The following BCL2L1 variants were observed in gnomAD, a reference collection of about 807,000 sequenced individuals.
The protein encoded by BCL2L1 is BCL2 like 1.
A neutral mutation model predicts 18.7 loss-of-function variants in BCL2L1; 1 was observed. The observed-to-expected ratio is 0.05, with a 90% CI of 0.02 to 0.25. The LOEUF (loss-of-function observed/expected upper bound fraction) is 0.25. Among genes scored for constraint, BCL2L1 ranks in the 10% least tolerant of loss-of-function variants. The probability of loss-of-function intolerance (pLI) is 1.00; values close to 1 mark genes in which losing one functional copy is unlikely to be tolerated. For synonymous variants in BCL2L1, 103 were observed against 122.7 expected, an observed-to-expected ratio of 0.84 and a Z score of 1.06; for missense variants, 207 against 304.9, an observed-to-expected ratio of 0.68 and a Z score of 2.39.
intron 2 of BCL2L1, among the ~76,000 whole-genome samples, chr20:31,686,800 C>T (rs1241700595): frequency 2.0e-5 from 3 of 152,036 alleles, no homozygotes; most frequent in Non-Finnish European, 1.5e-5. Context: ...CCAGAAAGGG[C>T]CTCAAGCAAT....
At chr20:31,703,857 G>T (rs1436286740) in intron 2 of BCL2L1, among the ~76,000 whole-genome samples, 1 of 149,982 alleles carries the variant, frequency 6.7e-6, no homozygotes, top group Non-Finnish European at 1.5e-5. Flanking sequence ...GAGTGCAGTG[G>T]TGCGATCTTG....
intron 2 of BCL2L1, among the ~76,000 whole-genome samples, chr20:31,673,362 C>G (rs2060703930): frequency 6.6e-6 from 1 of 151,884 alleles, no homozygotes; most frequent in Admixed American, 6.6e-5. Flanking sequence ...ACATGAGCCA[C>G]CGCACCCAGC....
intron 2 of BCL2L1, among the ~76,000 whole-genome samples, chr20:31,676,290 A>G (rs568716390): frequency 6.6e-6 from 1 of 152,276 alleles, no homozygotes; most frequent in South Asian, 2.1e-4. Flanking sequence ...AATCCTCACA[A>G]TAATCCCACC....
chr20:31,722,422 C>G (rs1005695027), intron 1 of BCL2L1, 74 bp from the exon 2 acceptor site: 2 of 426,440 alleles, frequency 4.7e-6, no homozygotes, highest in East Asian at 3.5e-5. Context: ...GGTACCAGAA[C>G]TGGTTTCTTT....
intron 2 of BCL2L1, among the ~76,000 whole-genome samples, chr20:31,680,417 G>GC (rs1034377856): frequency 8.5e-5 from 13 of 152,190 alleles, no homozygotes; most frequent in African/African-American, 3.1e-4. Context: ...GGTGAGAAAG[G>GC]GAAGAGTGTG....
At chr20:31,723,398 C>G (rs2061667953), upstream of BCL2L1, 7 of 985,532 alleles carry the variant, frequency 7.1e-6, no homozygotes, top group Non-Finnish European at 7.2e-6. Context: ...CAGCTGAGAC[C>G]ACGTTTTCCT....
At chr20:31,676,979 C>T (rs768642735) in intron 2 of BCL2L1, among the ~76,000 whole-genome samples, 3 of 152,186 alleles carry the variant, frequency 2.0e-5, no homozygotes, top group Non-Finnish European at 4.4e-5. Flanking sequence ...CGCTGCTGCT[C>T]TCCTGCTCTC....
At position 31,664,960 on chromosome 20, in the gene BCL2L1, C is replaced by G. The variant is rs2060565530; in HGVS notation, c.*989G>C. ...GGCCCTTCTAGTCAGCCCTACCCCA[C>G]CCCATGCAGCAGGCTCTCCTTCCTG... On this transcript the variant is annotated 3_prime_UTR_variant, in exon 3 of 3. Transcript: ENST00000307677. The G allele has an allele frequency of 4.9e-6, 1 of 203,638 alleles. No individual in the cohort carries two copies. Among genetic ancestry groups the G allele is most frequent in the Admixed American group, 6.0e-5 (1 of 16,748 alleles). The allele number at this position is 203,638 out of a possible 1,614,324, so 12.6% of individuals were successfully genotyped here.
At chr20:31,719,314 A>G (rs2061586845) in intron 2 of BCL2L1, among the ~76,000 whole-genome samples, 1 of 152,160 alleles carries the variant, frequency 6.6e-6, no homozygotes, top group African/African-American at 2.4e-5. Flanking sequence ...TTTAGAACAT[A>G]GCCCTGAGTA....
In BCL2L1 at chr20:31,665,289, C is replaced by T. The variant is rs116990630; in HGVS notation, c.*660G>A. Reference sequence around the variant, plus strand: ...GGGGTGCTTCCTGTAGCTATAGCCCCCTCCCTCCTGGGTGGGGCTGGCCTC... The same window carrying T: ...GGGGTGCTTCCTGTAGCTATAGCCCTCTCCCTCCTGGGTGGGGCTGGCCTC... On this transcript the variant is annotated 3_prime_UTR_variant, in exon 3 of 3. Transcript: ENST00000307677. The T allele has an allele frequency of 3.2e-3, 502 of 155,364 alleles. No homozygotes were observed. Among genetic ancestry groups the T allele is most frequent in the Middle Eastern group, 0.023 (7 of 304 alleles). 9.6% of individuals were successfully genotyped at this position (155,364 alleles called of 1,614,324 possible). A position where few individuals can be genotyped will look rare whatever the true frequency, so the allele number is the denominator to read the frequency against.
rs1198729635 is a variant in BCL2L1, at chr20:31,683,492, G to A, written c.565-17406C>T. 3.3e-5 allele frequency among the ~76,000 whole-genome samples: 5 copies of A among 152,228 alleles called. No individual in the cohort carries two copies. The East Asian group carries it at 5.8e-4, about 18-fold the overall frequency. On this transcript the variant is annotated intron_variant, in intron 2 of 2. Transcript: ENST00000307677. ...TAGAATGTAAACTTCATGATGGCCC[G>A]GCGCAGTGGCTCACGCCTGTAATCC... is the stretch of plus-strand genomic sequence containing the variant.
chr20:31,700,584 T>C (rs1200473792), intron 2 of BCL2L1, among the ~76,000 whole-genome samples: 1 of 152,142 alleles, frequency 6.6e-6, no homozygotes, highest in African/African-American at 2.4e-5. Flanking sequence ...TTCTTGAGAG[T>C]TGGTCTCAGC....
At chr20:31,715,711 G>A (rs2061523327) in intron 2 of BCL2L1, among the ~76,000 whole-genome samples, 1 of 152,188 alleles carries the variant, frequency 6.6e-6, no homozygotes, top group African/African-American at 2.4e-5. Context: ...AGACATAAGA[G>A]TAGCTCTGAA....
chr20:31,669,244 G>A lies in BCL2L1; in HGVS notation c.565-3158C>T, dbSNP rs138191924. On this transcript the variant is annotated intron_variant, in intron 2 of 2. Transcript: ENST00000307677. Reference sequence around the variant, plus strand: ...GGCTAATATTTCTAAATTTTTTGTAGAGACAGGGTCTCACTTTGTTGCCTA... The same window carrying A: ...GGCTAATATTTCTAAATTTTTTGTAAAGACAGGGTCTCACTTTGTTGCCTA... 2.9e-3 allele frequency among the ~76,000 whole-genome samples: 434 copies of A among 151,540 alleles called. 1 individual carries two copies. The highest frequency in any genetic ancestry group is 6.6e-3 in the African/African-American group (272 of 41,258).
At chr20:31,680,292 C>T (rs749312399) in intron 2 of BCL2L1, among the ~76,000 whole-genome samples, 1 of 152,172 alleles carries the variant, frequency 6.6e-6, no homozygotes, top group Non-Finnish European at 1.5e-5. Flanking sequence ...TTTCCTTCAC[C>T]CTTTCACCTA....
chr20:31,716,178 C>T (rs909943598), intron 2 of BCL2L1, among the ~76,000 whole-genome samples: 2 of 152,008 alleles, frequency 1.3e-5, no homozygotes, highest in African/African-American at 4.8e-5. Context: ...ATTATTTTTC[C>T]TCCAGTTAAT....
upstream of BCL2L1, chr20:31,723,679 C>T: frequency 1.0e-6 from 1 of 985,534 alleles, no homozygotes; most frequent in Admixed American, 6.1e-5. Context: ...AGCGGGACGG[C>T]GAAGGCTCCT....
rs2065737293 is a variant in BCL2L1, at chr20:31,665,688, T to C, written c.*261A>G. 14 of 535,638 alleles carry C rather than the reference T, an allele frequency of 2.6e-5. No individual in the cohort carries two copies. In the South Asian group the frequency reaches 3.3e-4, roughly 13 times the overall value. The allele number at this position is 535,638 out of a possible 1,614,324, so 33.2% of individuals were successfully genotyped here. ...CTGCCCCCAGCCACAAACCCTTCCA[T>C]ACCTGCCAGCCTCCTTTGGACAGAT... On this transcript the variant is annotated 3_prime_UTR_variant, in exon 3 of 3. Transcript: ENST00000307677.
chr20:31,689,285 G>A (rs1177204840), intron 2 of BCL2L1, among the ~76,000 whole-genome samples: 1 of 97,266 alleles, frequency 1.0e-5, no homozygotes, highest in Non-Finnish European at 2.1e-5. Context: ...GGGCAGGGGA[G>A]GGGAGGGAAG....
Sources: allele counts gnomAD v4.1 joint callset (sites outside exome capture counted in the v4.1 genomes callset), GRCh38; gene constraint gnomAD v4.1.1; transcripts MANE v1.5; gene names NCBI Gene and HGNC (gene_info 2026-07-23, HGNC 2026-07-21).